DNAAF19: variants seen among roughly 807,000 people sequenced by gnomAD.
DNAAF19 encodes the protein coiled-coil domain containing 103.
chr17:44,901,012 A>G, the DNAAF19 span: 1 of 1,604,352 alleles, frequency 6.2e-7, no homozygotes, highest in South Asian at 1.1e-5. Flanking sequence ...GAAAGGAATG[A>G]CATCATCAAC....
the DNAAF19 span, chr17:44,901,688 T>A: frequency 1.9e-6 from 3 of 1,605,296 alleles, no homozygotes; most frequent in East Asian, 6.7e-5. Context: ...CCAGCAGGAT[T>A]CTCTGCCCTA....
chr17:44,905,070 A>G, the DNAAF19 span: 1 of 1,535,146 alleles, frequency 6.5e-7, no homozygotes. Flanking sequence ...TTCTCCCCCT[A>G]GGAGCTCTCT....
the DNAAF19 span, chr17:44,904,304 G>A: frequency 2.1e-5 from 33 of 1,547,468 alleles, no homozygotes; most frequent in Non-Finnish European, 2.8e-5. Context: ...GGAGCCCTTT[G>A]CAGATGAATA....
the DNAAF19 span, chr17:44,901,094 C>T: frequency 6.2e-7 from 1 of 1,605,152 alleles, no homozygotes; most frequent in East Asian, 2.2e-5. Context: ...AGAATGCTGC[C>T]AAGTTACGGG....
At chr17:44,902,194 T>C in the DNAAF19 span, 31 of 823,014 alleles carry the variant, frequency 3.8e-5, no homozygotes, top group Middle Eastern at 2.2e-4. Context: ...CCCTGTTTCA[T>C]CCCCAGTTTC....
the DNAAF19 span, chr17:44,904,148 A>C: frequency 1.3e-6 from 2 of 1,550,356 alleles, no homozygotes. Context: ...CAGCATCCGC[A>C]TGTTCAGCTT....
the DNAAF19 span, among the ~76,000 whole-genome samples, chr17:44,900,285 G>GA: frequency 3.8e-4 from 55 of 144,250 alleles, no homozygotes; most frequent in African/African-American, 1.3e-3. Context: ...AACAGAGCCA[G>GA]AAAAAAAAAA....
chr17:44,904,740 G>T, the DNAAF19 span: 2 of 1,550,534 alleles, frequency 1.3e-6, no homozygotes, highest in South Asian at 1.2e-5. Flanking sequence ...GACAAAGACC[G>T]CCAGCACCTC....
At chr17:44,901,168 C>T in the DNAAF19 span, 2 of 1,600,152 alleles carry the variant, frequency 1.2e-6, no homozygotes, top group Non-Finnish European at 1.7e-6. Context: ...TTTTCTCAGG[C>T]CCTCCTGTTA....
At chr17:44,903,841 C>T in the DNAAF19 span, 1 of 1,548,580 alleles carries the variant, frequency 6.5e-7, no homozygotes. Flanking sequence ...TGCACCTGGC[C>T]CTCACCACTG....
the DNAAF19 span, chr17:44,904,710 C>T: frequency 6.4e-7 from 1 of 1,550,586 alleles, no homozygotes; most frequent in Non-Finnish European, 8.7e-7. Context: ...GGGGCCCGGC[C>T]AGAGCATGCA....
At chr17:44,903,654 C>G in the DNAAF19 span, 1 of 1,433,340 alleles carries the variant, frequency 7.0e-7, no homozygotes, top group Non-Finnish European at 9.1e-7. Context: ...TGTACATCCA[C>G]TGGGAATAAA....
At chr17:44,905,141 G>T in the DNAAF19 span, 1 of 1,278,964 alleles carries the variant, frequency 7.8e-7, no homozygotes, top group South Asian at 1.5e-5. Context: ...ATGTCTCTGG[G>T]TGGGTACCCT....
the DNAAF19 span, among the ~76,000 whole-genome samples, chr17:44,900,746 C>G: frequency 1.3e-5 from 2 of 152,318 alleles, no homozygotes; most frequent in Admixed American, 6.5e-5. Flanking sequence ...TAAGACAGAA[C>G]TCCAAATTGA....
the DNAAF19 span, chr17:44,902,884 G>T: frequency 2.8e-6 from 4 of 1,450,832 alleles, no homozygotes; most frequent in Admixed American, 2.7e-5. Flanking sequence ...TGTCTTGGGG[G>T]TTCTGCAGGA....
the DNAAF19 span, among the ~76,000 whole-genome samples, chr17:44,900,274 C>T: frequency 9.4e-6 from 1 of 106,168 alleles, no homozygotes. Flanking sequence ...CCAGCCTGGG[C>T]AACAGAGCCA....
the DNAAF19 span, among the ~76,000 whole-genome samples, chr17:44,902,065 C>G: frequency 6.6e-6 from 1 of 152,156 alleles, no homozygotes; most frequent in Non-Finnish European, 1.5e-5. Flanking sequence ...ACCCATCCAC[C>G]CGACTTACAG....
At chr17:44,901,050 G>T in the DNAAF19 span, 1 of 1,600,910 alleles carries the variant, frequency 6.2e-7, no homozygotes, top group Non-Finnish European at 8.5e-7. Context: ...AGAGCTGCAG[G>T]CTGCACTCAC....
At chr17:44,904,179 C>G in the DNAAF19 span, 26 of 1,550,366 alleles carry the variant, frequency 1.7e-5, no homozygotes, top group Non-Finnish European at 2.1e-5. Flanking sequence ...AGGGCTCAGT[C>G]TGAGGACTCA....
Sources: allele counts gnomAD v4.1 joint callset (sites outside exome capture counted in the v4.1 genomes callset), GRCh38; gene constraint gnomAD v4.1.1; transcripts MANE v1.5; gene names NCBI Gene and HGNC (gene_info 2026-07-23, HGNC 2026-07-21).